DPH6: variants seen among roughly 807,000 people sequenced by gnomAD.
DPH6 encodes the protein diphthamine biosynthesis 6.
Under a neutral mutation model 38.2 loss-of-function variants are expected in DPH6, and 33 were observed. The ratio of observed to expected loss-of-function variants is 0.86; its 90% CI spans 0.65 to 1.15. DPH6 has a LOEUF of 1.15. Ranked by LOEUF, DPH6 falls within the 50% of genes most tolerant of loss-of-function variation. The pLI is 0.00. For missense variants in DPH6, 325 were observed against 320.0 expected, an observed-to-expected ratio of 1.02 and a Z score of -0.12; for synonymous variants, 108 against 103.0, an observed-to-expected ratio of 1.05 and a Z score of -0.30.
chr15:35,539,457 G>C (rs1014683838), intron 2 of DPH6, among the ~76,000 whole-genome samples: 8 of 152,114 alleles, frequency 5.3e-5, no homozygotes, highest in Admixed American at 2.0e-4. Flanking sequence ...GGGATAAAAA[G>C]TGTTAAATGG....
intron 3 of DPH6, chr15:35,521,284 T>G: frequency 2.0e-6 from 2 of 988,140 alleles, no homozygotes; most frequent in Middle Eastern, 5.2e-4. Flanking sequence ...ACAGAAAGCT[T>G]TTATAATGGT....
At chr15:35,312,010 G>GAAAAAAAAAAAAAAAAAAAAAAT (rs2052146949) in intron 3 of DPH6, among the ~76,000 whole-genome samples, 1 of 102,142 alleles carries the variant, frequency 9.8e-6, no homozygotes, top group Non-Finnish European at 1.9e-5. Flanking sequence ...TTAAGAAAAT[G>GAAAAAAAAAAAAAAAAAAAAAAT]AAAAAAAAAA....
the DPH6 span, among the ~76,000 whole-genome samples, chr15:35,211,918 T>A: frequency 6.6e-6 from 1 of 152,190 alleles, no homozygotes; most frequent in African/African-American, 2.4e-5. Flanking sequence ...CCTCCCCTTA[T>A]AAGGCCTTCG....
At chr15:35,214,978 A>G (rs2051404223), downstream of DPH6, among the ~76,000 whole-genome samples, 1 of 152,216 alleles carries the variant, frequency 6.6e-6, no homozygotes, top group African/African-American at 2.4e-5. Context: ...CCAGTACCTG[A>G]GTGATCCTTG....
chr15:35,237,589 G>C (rs983148217), intron 3 of DPH6: 6 of 1,587,752 alleles, frequency 3.8e-6, no homozygotes, highest in Admixed American at 3.3e-5. Flanking sequence ...AAAAGTGTCC[G>C]AACCTCACGC....
intron 3 of DPH6, among the ~76,000 whole-genome samples, chr15:35,354,316 T>C (rs1030499282): frequency 6.6e-6 from 1 of 152,180 alleles, no homozygotes; most frequent in Non-Finnish European, 1.5e-5. Flanking sequence ...TCCAACACTA[T>C]GTTGAATAGG....
intron 3 of DPH6, among the ~76,000 whole-genome samples, chr15:35,485,025 T>C (rs1055008071): frequency 6.6e-6 from 1 of 152,176 alleles, no homozygotes; most frequent in African/African-American, 2.4e-5. Flanking sequence ...ATTTATTGAC[T>C]ACTTACCACA....
At chr15:35,176,818 C>T in the DPH6 span, among the ~76,000 whole-genome samples, 2 of 152,150 alleles carry the variant, frequency 1.3e-5, no homozygotes, top group Non-Finnish European at 2.9e-5. Context: ...ATTTAATAGT[C>T]TTAATTGCAC....
chr15:35,477,955 C>T (rs1285142382), intron 3 of DPH6, among the ~76,000 whole-genome samples: 1 of 151,902 alleles, frequency 6.6e-6, no homozygotes, highest in Non-Finnish European at 1.5e-5. Context: ...TAACCCTCTC[C>T]CTATGGTCCT....
chr15:35,184,061 T>C, the DPH6 span, among the ~76,000 whole-genome samples: 2 of 152,210 alleles, frequency 1.3e-5, no homozygotes, highest in South Asian at 2.1e-4. Flanking sequence ...AAAATGAACA[T>C]GGACTATAAA....
chr15:35,440,228 AG>A (rs1401586260), intron 5 of DPH6, among the ~76,000 whole-genome samples: 1 of 152,196 alleles, frequency 6.6e-6, no homozygotes, highest in Admixed American at 6.5e-5. Flanking sequence ...CATAACCTGG[AG>A]GTTTCCTTTT....
chr15:35,421,895 C>G (rs1166915026), intron 5 of DPH6, among the ~76,000 whole-genome samples: 1 of 151,680 alleles, frequency 6.6e-6, no homozygotes, highest in Non-Finnish European at 1.5e-5. Flanking sequence ...GGTAAGAAGG[C>G]AAATAAACAA....
chr15:35,306,479 G>T (rs1218444163), intron 3 of DPH6, among the ~76,000 whole-genome samples: 1 of 152,124 alleles, frequency 6.6e-6, no homozygotes, highest in Non-Finnish European at 1.5e-5. Flanking sequence ...GCAGAGTCAG[G>T]CTCTGTTAGG....
At chr15:35,464,242 C>T (rs1040871989) in intron 3 of DPH6, among the ~76,000 whole-genome samples, 4 of 150,226 alleles carry the variant, frequency 2.7e-5, no homozygotes, top group Non-Finnish European at 4.4e-5. Context: ...TGCAGTGAGC[C>T]GAGATCGTGC....
chr15:35,154,058 T>A, the DPH6 span, among the ~76,000 whole-genome samples: 2 of 152,146 alleles, frequency 1.3e-5, no homozygotes, highest in Non-Finnish European at 2.9e-5. Flanking sequence ...ACTTACATAA[T>A]CAATAAATAT....
chr15:35,546,048 G>T, intron 1 of DPH6, 71 bp downstream of exon 1: 1 of 1,278,028 alleles, frequency 7.8e-7, no homozygotes, highest in Non-Finnish European at 1.0e-6. Flanking sequence ...CCACTCTTTC[G>T]GCGCTAGCGG....
At chr15:35,381,984 C>T in intron 6 of DPH6, 68 bp from the exon 7 acceptor site, 1 of 1,107,312 alleles carries the variant, frequency 9.0e-7, no homozygotes, top group Non-Finnish European at 1.3e-6. Context: ...GCTCTCTTAT[C>T]TGGTACTAAA....
At chr15:35,543,256 C>CTTT (rs1333617752) in intron 1 of DPH6, among the ~76,000 whole-genome samples, 8 of 104,784 alleles carry the variant, frequency 7.6e-5, no homozygotes, top group African/African-American at 2.6e-4. Context: ...CACACATACA[C>CTTT]ATAATATATA....
chr15:35,511,586 A>G (rs1401833560), intron 3 of DPH6, among the ~76,000 whole-genome samples: 1 of 152,186 alleles, frequency 6.6e-6, no homozygotes, highest in Non-Finnish European at 1.5e-5. Flanking sequence ...AGCTTGGAAA[A>G]GAGCAGCGAT....
Sources: gnomAD v4.1 joint callset for allele counts (sites outside exome capture counted in the v4.1 genomes callset) on GRCh38, gnomAD v4.1.1 for gene constraint, MANE v1.5 for transcripts, NCBI Gene and HGNC (gene_info 2026-07-23, HGNC 2026-07-21) for gene names.